Variants in SPIDR observed in about 807,000 individuals in gnomAD.
SPIDR encodes the protein scaffold protein involved in DNA repair, also known as DNA repair-scaffolding protein.
In SPIDR, 93 loss-of-function variants were observed where a neutral mutation model predicts 104.6. The ratio of observed to expected loss-of-function variants is 0.89; its 90% CI spans 0.75 to 1.06. The LOEUF is 1.06. Among genes scored for constraint, SPIDR ranks in the 50% least tolerant of loss-of-function variants. The pLI is 0.00. For missense variants in SPIDR, 1,154 were observed against 1,111.2 expected, an observed-to-expected ratio of 1.04 and a Z score of -0.55; for synonymous variants, 431 against 416.9, an observed-to-expected ratio of 1.03 and a Z score of -0.41.
chr8:47,355,099 G>T (rs1333144468), intron 5 of SPIDR, among the ~76,000 whole-genome samples: 2 of 151,958 alleles, frequency 1.3e-5, no homozygotes, highest in East Asian at 1.9e-4. Context: ...CGGATTACAG[G>T]CACCCGCCAC....
chr8:47,550,653 T>C (rs1456355754), intron 8 of SPIDR, among the ~76,000 whole-genome samples: 1 of 152,260 alleles, frequency 6.6e-6, no homozygotes, highest in African/African-American at 2.4e-5. Context: ...GCTTATCAGC[T>C]TAAGGATCTT....
rs185478891 is a variant in SPIDR at position 47,494,083 on chromosome 8, G to C, written c.1097+53541G>C. On this transcript the variant is annotated intron_variant, in intron 8 of 19. Transcript: ENST00000297423. ...ACCTCACTGCAGCCTCCAACTCCTG[G>C]GCTTAAGCGATCCTCCTGCCTCAGC... Among the ~76,000 whole-genome samples the C allele has an allele frequency of 2.6e-3, 393 of 150,596 alleles. 4 individuals carry two copies. Among genetic ancestry groups the C allele is most frequent in the African/African-American group, 9.0e-3 (369 of 40,938 alleles).
intron 10 of SPIDR, among the ~76,000 whole-genome samples, chr8:47,626,439 G>C (rs1286372955): frequency 4.6e-5 from 7 of 152,140 alleles, no homozygotes; most frequent in African/African-American, 7.2e-5. Context: ...ACTACCATCA[G>C]AGTGAACAGG....
chr8:47,717,993 G>T (rs961724480), intron 16 of SPIDR, among the ~76,000 whole-genome samples: 2 of 152,148 alleles, frequency 1.3e-5, no homozygotes, highest in Non-Finnish European at 2.9e-5. Context: ...CATGCTGTTG[G>T]CACCCTCCTT....
intron 8 of SPIDR, among the ~76,000 whole-genome samples, chr8:47,468,050 T>A (rs2075170009): frequency 6.6e-6 from 1 of 152,006 alleles, no homozygotes. Context: ...CACTAGCATT[T>A]CTATACACCA....
chr8:47,661,421 G>A (rs2074085717), intron 10 of SPIDR, among the ~76,000 whole-genome samples: 1 of 152,266 alleles, frequency 6.6e-6, no homozygotes, highest in Non-Finnish European at 1.5e-5. Flanking sequence ...GCTAGCAGCG[G>A]AGAGTGTGGT....
chr8:47,495,189 G>T (rs1398873278), intron 8 of SPIDR, among the ~76,000 whole-genome samples: 1 of 151,662 alleles, frequency 6.6e-6, no homozygotes, highest in Non-Finnish European at 1.5e-5. Context: ...CCCTTCTATT[G>T]CATAGTGCAC....
chr8:47,599,257 G>A (rs1390108208), intron 10 of SPIDR, 61 bp downstream of exon 10: 11 of 1,584,042 alleles, frequency 6.9e-6, no homozygotes, highest in African/African-American at 1.3e-5. Context: ...GAGTGCTCTA[G>A]AAAGTGGAGC....
At chr8:47,298,924 C>T (rs1397139144) in intron 5 of SPIDR, among the ~76,000 whole-genome samples, 4 of 152,170 alleles carry the variant, frequency 2.6e-5, no homozygotes, top group African/African-American at 9.7e-5. Flanking sequence ...TTAGGATTGA[C>T]TTGGCAATGC....
At chr8:47,633,279 CA>C (rs2067344323) in intron 10 of SPIDR, among the ~76,000 whole-genome samples, 1 of 151,850 alleles carries the variant, frequency 6.6e-6, no homozygotes, top group Admixed American at 6.6e-5. Flanking sequence ...TATTTATAAA[CA>C]AAAAGCCAGT....
chr8:47,723,578 C>T (rs865957599), intron 16 of SPIDR, among the ~76,000 whole-genome samples: 2 of 151,896 alleles, frequency 1.3e-5, no homozygotes, highest in African/African-American at 2.4e-5. Flanking sequence ...TACAGGCACC[C>T]GCCACCATGC....
intron 14 of SPIDR, among the ~76,000 whole-genome samples, chr8:47,710,751 A>G (rs1423777003): frequency 6.6e-6 from 1 of 151,928 alleles, no homozygotes; most frequent in Non-Finnish European, 1.5e-5. Flanking sequence ...TACAGGCATG[A>G]GCCACCACGA....
chr8:47,603,640 C>CT (rs147931714), intron 10 of SPIDR, among the ~76,000 whole-genome samples: 2,744 of 151,932 alleles, frequency 0.018, 86 homozygotes, highest in African/African-American at 0.064. Flanking sequence ...TCAAGCAATC[C>CT]TCCTGCCTTG....
chr8:47,449,127 G>C (rs2071231118), intron 8 of SPIDR, among the ~76,000 whole-genome samples: 1 of 152,216 alleles, frequency 6.6e-6, no homozygotes, highest in African/African-American at 2.4e-5. Flanking sequence ...ATGGTGAATA[G>C]TGGATTTGGA....
At chr8:47,727,592 A>G (rs2084464159) in intron 17 of SPIDR, among the ~76,000 whole-genome samples, 1 of 152,194 alleles carries the variant, frequency 6.6e-6, no homozygotes, top group East Asian at 1.9e-4. Flanking sequence ...AATAAGTGAA[A>G]AAAACTTGGT....
chr8:47,581,231 C>T (rs976115820), intron 8 of SPIDR, among the ~76,000 whole-genome samples: 5 of 152,088 alleles, frequency 3.3e-5, no homozygotes, highest in African/African-American at 1.2e-4. Context: ...ACTTGAAGCC[C>T]TCTCAGCTAG....
intron 11 of SPIDR, among the ~76,000 whole-genome samples, chr8:47,696,340 T>C (rs183146337): frequency 9.2e-5 from 14 of 152,364 alleles, no homozygotes; most frequent in African/African-American, 3.4e-4. Flanking sequence ...TGGTTTTTTT[T>C]CATTCTAAGA....
At chr8:47,616,986 TTTTGAGGATTACTG>T (rs1260214202) in intron 10 of SPIDR, among the ~76,000 whole-genome samples, 5 of 152,218 alleles carry the variant, frequency 3.3e-5, no homozygotes, top group Admixed American at 3.3e-4. Context: ...ACCAGGACAA[TTTTGAGGATTACTG>T]GACAGATATT....
intron 8 of SPIDR, among the ~76,000 whole-genome samples, chr8:47,441,128 G>A (rs1292245549): frequency 6.6e-5 from 10 of 152,148 alleles, no homozygotes; most frequent in Non-Finnish European, 1.0e-4. Context: ...TAATTTTTTC[G>A]TAATTTTTTA....
Sources: allele counts gnomAD v4.1 joint callset (sites outside exome capture counted in the v4.1 genomes callset), GRCh38; gene constraint gnomAD v4.1.1; transcripts MANE v1.5; gene names NCBI Gene and HGNC (gene_info 2026-07-23, HGNC 2026-07-21).